Variants in BCL2L1 observed in about 807,000 individuals in gnomAD.
BCL2L1 encodes bcl-2-like protein 1.
A neutral mutation model predicts 18.7 loss-of-function variants in BCL2L1; 1 was observed. The ratio of observed to expected loss-of-function variants is 0.05; its 90% confidence interval spans 0.02 to 0.25. The LOEUF (loss-of-function observed/expected upper bound fraction) is 0.25. BCL2L1 is among the 10% of genes least tolerant of loss of function. BCL2L1 has a pLI of 1.00. For missense variants in BCL2L1, 207 were observed against 304.9 expected, an observed-to-expected ratio of 0.68 and a Z score of 2.39; for synonymous variants, 103 against 122.7, an observed-to-expected ratio of 0.84 and a Z score of 1.06.
chr20:31,701,155 G>A (rs2061271748), intron 2 of BCL2L1, among the ~76,000 whole-genome samples: 1 of 152,130 alleles, frequency 6.6e-6, no homozygotes, highest in South Asian at 2.1e-4. Context: ...CTGGGTTCAA[G>A]CGATTCTCCT....
intron 2 of BCL2L1, among the ~76,000 whole-genome samples, chr20:31,688,300 C>T (rs996136120): frequency 3.3e-5 from 5 of 151,596 alleles, no homozygotes; most frequent in African/African-American, 1.2e-4. Flanking sequence ...AAAAATTAGC[C>T]CAGCAAGGTG....
At chr20:31,691,468 C>G (rs547763109) in intron 2 of BCL2L1, among the ~76,000 whole-genome samples, 4 of 150,616 alleles carry the variant, frequency 2.7e-5, no homozygotes, top group African/African-American at 9.8e-5. Flanking sequence ...GAGCCAAGAC[C>G]GTGCCACTGT....
At chr20:31,693,332 T>C (rs796722131) in intron 2 of BCL2L1, among the ~76,000 whole-genome samples, 1 of 151,524 alleles carries the variant, frequency 6.6e-6, no homozygotes, top group African/African-American at 2.4e-5. Flanking sequence ...ATTAAAAAAT[T>C]AGCTACTTGG....
chr20:31,720,862 C>T, intron 2 of BCL2L1: 1 of 985,400 alleles, frequency 1.0e-6, no homozygotes, highest in Non-Finnish European at 1.2e-6. Flanking sequence ...CTTGAAGAGG[C>T]CCCTGGGCTC....
Position 31,722,203 on chromosome 20 carries a change from G to C in BCL2L1, c.16C>G (p.Arg6Gly), listed in dbSNP as rs373119323. MSQSNRELVVDFLSYK... is the reference protein window; with the variant it reads MSQSNGELVVDFLSYK... The stretch of plus-strand genomic sequence containing the variant: ...GAGAGAAAGTCAACCACCAGCTCCC[G>C]GTTGCTCTGAGACATTTTTATAATA... Residue 6 changes from arginine (R) to glycine (G), a missense_variant, in exon 2 of 3, where the codon CGG (arginine) becomes GGG (glycine). Transcript: ENST00000307677. 8.7e-6 allele frequency: 13 copies of C among 1,496,724 alleles called. No homozygotes were observed. The highest frequency in any genetic ancestry group is 1.1e-5 in the Non-Finnish European group (12 of 1,130,332). 92.7% of individuals were successfully genotyped at this position (1,496,724 alleles called of 1,614,324 possible).
upstream of BCL2L1, chr20:31,723,410 G>A: frequency 1.0e-6 from 1 of 985,494 alleles, no homozygotes; most frequent in East Asian, 1.1e-4. Context: ...CGTTTTCCTG[G>A]GGACAGGCCC....
At chr20:31,670,793 G>A (rs529951340) in intron 2 of BCL2L1, among the ~76,000 whole-genome samples, 1 of 152,260 alleles carries the variant, frequency 6.6e-6, no homozygotes, top group Admixed American at 6.5e-5. Flanking sequence ...CTGGAGAGGC[G>A]GTGGCGTGGG....
At chr20:31,697,799 G>C (rs539268617) in intron 2 of BCL2L1, among the ~76,000 whole-genome samples, 22 of 152,040 alleles carry the variant, frequency 1.4e-4, no homozygotes, top group African/African-American at 5.3e-4. Flanking sequence ...GATACCACTA[G>C]AGCATACCTC....
intron 2 of BCL2L1, among the ~76,000 whole-genome samples, chr20:31,700,612 C>T (rs988296230): frequency 2.6e-5 from 4 of 152,208 alleles, no homozygotes; most frequent in African/African-American, 9.6e-5. Context: ...TCTTAACCCA[C>T]ATTGACTCTC....
rs1028335790 is a variant in BCL2L1, at chr20:31,713,502, G to C, written c.564+8153C>G. On this transcript the variant is annotated intron_variant, in intron 2 of 2. Transcript: ENST00000307677. ...AGTCATCGCAATGGCATTTCCTGAA[G>C]AGCTGGAGAAAAACCTCCAGTTCCG... The C allele has an allele frequency of 8.1e-6, 8 of 985,350 alleles. No homozygotes were observed. The South Asian group carries it at 3.3e-4, about 41-fold the overall frequency. 61.0% of individuals were successfully genotyped at this position (985,350 alleles called of 1,614,324 possible). A position where few individuals can be genotyped will look rare whatever the true frequency, so the allele number is the denominator to read the frequency against.
intron 2 of BCL2L1, among the ~76,000 whole-genome samples, chr20:31,693,032 T>C (rs1386078542): frequency 3.6e-5 from 5 of 140,572 alleles, no homozygotes; most frequent in African/African-American, 1.1e-4. Flanking sequence ...GGTCGCACCA[T>C]AGCACTCCAG....
intron 2 of BCL2L1, among the ~76,000 whole-genome samples, chr20:31,697,167 C>T (rs960262007): frequency 2.6e-5 from 4 of 151,882 alleles, no homozygotes; most frequent in African/African-American, 9.7e-5. Flanking sequence ...TGGAATATTA[C>T]ATGAGATAAC....
At chr20:31,699,446 A>G (rs1199650997) in intron 2 of BCL2L1, among the ~76,000 whole-genome samples, 1 of 152,218 alleles carries the variant, frequency 6.6e-6, no homozygotes, top group Non-Finnish European at 1.5e-5. Context: ...AAGTCCGAAC[A>G]TGCCTCTGGC....
intron 2 of BCL2L1, among the ~76,000 whole-genome samples, chr20:31,680,661 G>C (rs1198684368): frequency 1.3e-5 from 2 of 152,186 alleles, no homozygotes. Flanking sequence ...CCTAGCTTTG[G>C]ACACTCAGTC....
chr20:31,665,168 T>C lies in BCL2L1; in HGVS notation c.*781A>G. 1 of 175,750 alleles carries C rather than the reference T, an allele frequency of 5.7e-6. No individual in the cohort carries two copies. Among genetic ancestry groups the C allele is most frequent in the Admixed American group, 6.3e-5 (1 of 15,782 alleles). The allele number at this position is 175,750 out of a possible 1,614,324, so 10.9% of individuals were successfully genotyped here. Reference sequence around the variant, plus strand: ...CATAAACAGCTCTGGGGCATCTGTCTTGGGCCCAGTTGGTCCCTCAGTATG... The same window carrying C: ...CATAAACAGCTCTGGGGCATCTGTCCTGGGCCCAGTTGGTCCCTCAGTATG... On this transcript the variant is annotated 3_prime_UTR_variant, in exon 3 of 3. Transcript: ENST00000307677.
intron 2 of BCL2L1, among the ~76,000 whole-genome samples, chr20:31,694,991 A>G (rs1208562859): frequency 1.3e-5 from 2 of 152,218 alleles, no homozygotes; most frequent in Admixed American, 1.3e-4. Context: ...AATCACTATC[A>G]GCCAAGGCAT....
Sources: allele counts gnomAD v4.1 joint callset (sites outside exome capture counted in the v4.1 genomes callset), GRCh38; gene constraint gnomAD v4.1.1; transcripts MANE v1.5; gene names NCBI Gene and HGNC (gene_info 2026-07-23, HGNC 2026-07-21).